CDH8: variants seen among roughly 807,000 people sequenced by gnomAD.
CDH8 encodes cadherin-8.
A neutral mutation model predicts 68.1 loss-of-function variants in CDH8; 17 were observed. The ratio of observed to expected loss-of-function variants is 0.25; its 90% CI spans 0.17 to 0.37. The LOEUF (loss-of-function observed/expected upper bound fraction) is 0.37. CDH8 is among the 10% of genes least tolerant of loss of function. The pLI is 1.00. For synonymous variants in CDH8, 372 were observed against 365.1 expected (o/e 1.02, Z -0.21); for missense variants, 763 against 999.3 (o/e 0.76, Z 3.19).
intron 3 of CDH8, among the ~76,000 whole-genome samples, chr16:61,897,500 T>A (rs987535126): frequency 1.3e-5 from 2 of 152,180 alleles, no homozygotes; most frequent in South Asian, 2.1e-4. Flanking sequence ...TATCTGAAAA[T>A]GGACTTGATG....
At position 61,655,621 on chromosome 16, in the gene CDH8, T is replaced by C. The variant is rs920201133; in HGVS notation, c.1755A>G (p.Pro585=). ...PIIISDSGNP[P]LSSTSTLTIR... is the part of the protein sequence containing the mutation. ...TTGTCAAGGTGCTAGTGCTGCTCAG[T>C]GGAGGATTTCCACTATCACTGATTA... The change falls in exon 11 of 12, where the codon CCA becomes CCG. Residue 585 remains proline, a synonymous_variant. Transcript: ENST00000577390. 7 of 1,614,068 alleles carry C rather than the reference T, an allele frequency of 4.3e-6. No individual in the cohort carries two copies. In the Admixed American group the frequency reaches 5.0e-5, roughly 12 times the overall value.
intron 10 of CDH8, among the ~76,000 whole-genome samples, chr16:61,697,802 G>T (rs1226453920): frequency 2.0e-5 from 3 of 152,164 alleles, no homozygotes; most frequent in African/African-American, 7.2e-5. Flanking sequence ...CTTCTGGGGA[G>T]TTTTTTTGTT....
chr16:61,713,684 G>A (rs1432333329), intron 10 of CDH8, among the ~76,000 whole-genome samples, 157 bp downstream of exon 10: 1 of 151,544 alleles, frequency 6.6e-6, no homozygotes, highest in Non-Finnish European at 1.5e-5. Flanking sequence ...AAAATAGGAA[G>A]TAAGGTAATT....
rs572264102 is a variant in CDH8, at chr16:61,874,078, C to T, written c.548-16840G>A. Among the ~76,000 whole-genome samples, 67 of 152,050 alleles carry T rather than the reference C, an allele frequency of 4.4e-4. 2 individuals are homozygous for T. The South Asian group carries it at 0.013, about 30-fold the overall frequency. ...TCTCAAAACAAACAGACAGACAAAA[C>T]TCTATGATGTCCTGTGGTGCCAGAT... On this transcript the variant is annotated intron_variant, in intron 3 of 11. Coordinates refer to ENST00000577390, the MANE Select transcript of CDH8 (RefSeq NM_001796.5).
At chr16:61,707,109 A>G (rs1361626271) in intron 10 of CDH8, among the ~76,000 whole-genome samples, 1 of 152,190 alleles carries the variant, frequency 6.6e-6, no homozygotes, top group Non-Finnish European at 1.5e-5. Flanking sequence ...AGTAAGGGAA[A>G]ATGGAAAAGC....
chr16:62,010,551 T>C (rs1429962052), intron 2 of CDH8, among the ~76,000 whole-genome samples: 1 of 152,192 alleles, frequency 6.6e-6, no homozygotes, highest in Non-Finnish European at 1.5e-5. Context: ...AGGGGATTGA[T>C]GTGAAGATTG....
intron 2 of CDH8, among the ~76,000 whole-genome samples, chr16:61,966,658 A>G (rs1203677636): frequency 1.3e-5 from 2 of 152,246 alleles, no homozygotes; most frequent in Admixed American, 6.5e-5. Flanking sequence ...TGTGTCCAAT[A>G]AGAACACTTA....
intron 10 of CDH8, among the ~76,000 whole-genome samples, chr16:61,687,353 TAG>T (rs1385419633): frequency 6.6e-6 from 1 of 151,964 alleles, no homozygotes; most frequent in East Asian, 1.9e-4. Flanking sequence ...ATCTTAACTT[TAG>T]ATGAGGACAT....
At chr16:61,822,205 C>CCTTTTTTTTT (rs1962230457) in intron 5 of CDH8, among the ~76,000 whole-genome samples, 3 of 45,630 alleles carry the variant, frequency 6.6e-5, no homozygotes, top group African/African-American at 3.4e-4. Flanking sequence ...AAAAACGCAC[C>CCTTTTTTTTT]TTTTTTTTTT....
intron 8 of CDH8, among the ~76,000 whole-genome samples, chr16:61,735,417 AT>A (rs1250090599): frequency 6.6e-6 from 1 of 152,174 alleles, no homozygotes; most frequent in African/African-American, 2.4e-5. Flanking sequence ...ATTCTTCAAA[AT>A]ATCATAAATA....
intron 2 of CDH8, among the ~76,000 whole-genome samples, chr16:61,939,559 T>C (rs750566668): frequency 1.1e-4 from 16 of 152,208 alleles, no homozygotes; most frequent in Non-Finnish European, 2.1e-4. Context: ...TTATAATTTA[T>C]TAGCATTCCA....
chr16:61,653,855 C>T lies in CDH8; in HGVS notation c.2153G>A (p.Gly718Asp), dbSNP rs368225592. 3.7e-6 allele frequency: 6 copies of T among 1,614,068 alleles called. No homozygotes were observed. In the African/African-American group the frequency reaches 6.7e-5, roughly 18 times the overall value. ...PRQGLAPVPN[G>D]VDVDEFINVR... ...ATTTATAAATTCATCGACATCAACA[C>T]CATTTGGAACTGGAGCAAGCCCTTG... Residue 718 changes from glycine to aspartate, a missense_variant, in exon 12 of 12, where the codon GGT becomes GAT. Transcript: ENST00000577390.
intron 4 of CDH8, among the ~76,000 whole-genome samples, chr16:61,846,834 A>G (rs1372725450): frequency 6.6e-6 from 1 of 152,086 alleles, no homozygotes; most frequent in Non-Finnish European, 1.5e-5. Context: ...ATTCCACTGT[A>G]ATAAATGAGA....
At chr16:61,880,350 C>G (rs1201652426) in intron 3 of CDH8, among the ~76,000 whole-genome samples, 3 of 152,110 alleles carry the variant, frequency 2.0e-5, no homozygotes, top group Admixed American at 6.6e-5. Context: ...CCTTCACACT[C>G]GAAAGACAGA....
chr16:61,698,610 A>C (rs1211579991), intron 10 of CDH8, among the ~76,000 whole-genome samples: 1 of 152,212 alleles, frequency 6.6e-6, no homozygotes, highest in Admixed American at 6.5e-5. Flanking sequence ...TCATTGCAAT[A>C]TGAGTGTCCT....
chr16:61,918,459 C>T (rs1964287142), intron 2 of CDH8: 1 of 152,882 alleles, frequency 6.5e-6, no homozygotes, highest in Non-Finnish European at 1.5e-5. Flanking sequence ...TGGGTGCGCG[C>T]ACCATGCGCG....
At chr16:61,836,033 T>C (rs1439731720) in intron 4 of CDH8, among the ~76,000 whole-genome samples, 3 of 151,970 alleles carry the variant, frequency 2.0e-5, no homozygotes, top group African/African-American at 4.8e-5. Flanking sequence ...GCACCCGACA[T>C]AATTCACAGA....
chr16:61,840,142 T>C (rs1053662661), intron 4 of CDH8, among the ~76,000 whole-genome samples: 4 of 152,158 alleles, frequency 2.6e-5, no homozygotes, highest in African/African-American at 7.2e-5. Context: ...GTGATTTTCA[T>C]CTTTCCATGT....
At chr16:61,924,131 T>C (rs1208639532) in intron 2 of CDH8, among the ~76,000 whole-genome samples, 1 of 151,988 alleles carries the variant, frequency 6.6e-6, no homozygotes, top group Non-Finnish European at 1.5e-5. Flanking sequence ...GTGGTTGTTG[T>C]TGTGTTGTTG....
Sources: gnomAD v4.1 joint callset for allele counts (sites outside exome capture counted in the v4.1 genomes callset) on GRCh38, gnomAD v4.1.1 for gene constraint, MANE v1.5 for transcripts, NCBI Gene and HGNC (gene_info 2026-07-23, HGNC 2026-07-21) for gene names.